The following CDH4 variants were observed in gnomAD, a reference collection of about 807,000 sequenced individuals.
CDH4 encodes the protein cadherin-4.
CDH4 carries 33 observed loss-of-function variants against 86.0 expected under a neutral mutation model. The ratio of observed to expected loss-of-function variants is 0.38; its 90% CI spans 0.29 to 0.51. The LOEUF is 0.51. Among genes scored for constraint, CDH4 ranks in the 20% least tolerant of loss-of-function variants. The pLI is 0.86. For synonymous variants in CDH4, 555 were observed against 549.4 expected (o/e 1.01, Z -0.14); for missense variants, 1,114 against 1,307.4 (o/e 0.85, Z 2.28).
chr20:61,903,757 C>T (rs937863373), intron 8 of CDH4, among the ~76,000 whole-genome samples: 1 of 152,114 alleles, frequency 6.6e-6, no homozygotes, highest in Non-Finnish European at 1.5e-5. Flanking sequence ...CCTTCCCCAC[C>T]GCTGGTGACC....
intron 2 of CDH4, among the ~76,000 whole-genome samples, chr20:61,666,836 T>A (rs770162422): frequency 6.6e-5 from 10 of 152,204 alleles, no homozygotes; most frequent in Admixed American, 1.3e-4. Flanking sequence ...GAAAGAGGCA[T>A]GAATCCGAAG....
chr20:61,535,711 G>A (rs1001729979), intron 2 of CDH4, among the ~76,000 whole-genome samples: 1 of 152,120 alleles, frequency 6.6e-6, no homozygotes, highest in African/African-American at 2.4e-5. Context: ...GCATACCCCT[G>A]AGCCTCCATG....
intron 2 of CDH4, among the ~76,000 whole-genome samples, chr20:61,665,181 G>A (rs1340253311): frequency 6.6e-6 from 1 of 152,216 alleles, no homozygotes; most frequent in Non-Finnish European, 1.5e-5. Context: ...TGAGCTGATA[G>A]TGGCGTCTTG....
At chr20:61,590,475 C>A (rs932357414) in intron 2 of CDH4, among the ~76,000 whole-genome samples, 17 of 152,212 alleles carry the variant, frequency 1.1e-4, no homozygotes, top group Non-Finnish European at 2.2e-4. Flanking sequence ...CAGCCCAGCA[C>A]CCATGGCTGA....
intron 2 of CDH4, among the ~76,000 whole-genome samples, chr20:61,731,355 C>A (rs1439212436): frequency 6.6e-6 from 1 of 152,186 alleles, no homozygotes; most frequent in Non-Finnish European, 1.5e-5. Flanking sequence ...GACCGCCACC[C>A]TCCTAGATGG....
intron 4 of CDH4, among the ~76,000 whole-genome samples, chr20:61,808,307 T>C (rs772491469): frequency 5.3e-5 from 8 of 152,020 alleles, no homozygotes; most frequent in Non-Finnish European, 1.0e-4. Context: ...TCTGTTTTCT[T>C]GGACTTGTTT....
intron 4 of CDH4, among the ~76,000 whole-genome samples, chr20:61,820,322 C>T (rs1980951060): frequency 6.6e-6 from 1 of 152,256 alleles, no homozygotes; most frequent in African/African-American, 2.4e-5. Context: ...GCCCTGTGTC[C>T]GTGGGGGACG....
intron 15 of CDH4, among the ~76,000 whole-genome samples, chr20:61,935,649 G>T (rs527472448): frequency 1.3e-5 from 2 of 152,162 alleles, no homozygotes; most frequent in South Asian, 4.2e-4. Context: ...ACTTTGGGAG[G>T]CCATGGCAGG....
At position 61,625,153 on chromosome 20, in the gene CDH4, G is replaced by A. The variant is rs184216071; in HGVS notation, c.170-118410G>A. Among the ~76,000 whole-genome samples the A allele has an allele frequency of 2.6e-4, 39 of 152,258 alleles. No individual in the cohort carries two copies. The South Asian group carries it at 6.6e-3, about 26-fold the overall frequency. ...GAATCCCCACAAAACTCACCAGGGC[G>A]GGACGAGAGGGAAGCACCTCTCCCG... On this transcript the variant is annotated intron_variant, in intron 2 of 15. Transcript: ENST00000614565.
chr20:61,787,022 T>C (rs114080298), intron 4 of CDH4, among the ~76,000 whole-genome samples: 3,808 of 152,346 alleles, frequency 0.025, 153 homozygotes, highest in African/African-American at 0.086. Context: ...GTGGCCTTCA[T>C]ACTTGAGAAG....
Position 61,500,327 on chromosome 20 carries a change from A to G in CDH4, c.170-243236A>G, listed in dbSNP as rs11905671. Reference sequence around the variant, plus strand: ...CACAATGATCACCAATTATAAAGCCATTGCTCACTCGCGTTCGGAATTGCA... The same window carrying G: ...CACAATGATCACCAATTATAAAGCCGTTGCTCACTCGCGTTCGGAATTGCA... On this transcript the variant is annotated intron_variant, in intron 2 of 15. Coordinates refer to ENST00000614565, the MANE Select transcript of CDH4 (RefSeq NM_001794.5). 1.8e-3 allele frequency among the ~76,000 whole-genome samples: 280 copies of G among 152,344 alleles called. 1 individual carries two copies. Among genetic ancestry groups the G allele is most frequent in the African/African-American group, 6.6e-3 (274 of 41,588 alleles).
intron 2 of CDH4, among the ~76,000 whole-genome samples, chr20:61,349,443 C>T (rs1170994925): frequency 6.6e-6 from 1 of 152,224 alleles, no homozygotes. Flanking sequence ...GGAGAAAATG[C>T]CCACTTGAGG....
At chr20:61,765,473 G>A (rs2088687518) in intron 3 of CDH4, among the ~76,000 whole-genome samples, 1 of 152,208 alleles carries the variant, frequency 6.6e-6, no homozygotes, top group African/African-American at 2.4e-5. Flanking sequence ...AAGCCACGAA[G>A]CCACAGTTGT....
chr20:61,777,970 A>G (rs1978341843), intron 4 of CDH4, among the ~76,000 whole-genome samples: 1 of 152,218 alleles, frequency 6.6e-6, no homozygotes, highest in Admixed American at 6.5e-5. Context: ...TGCATACTAT[A>G]CACACATCCA....
Position 61,932,935 on chromosome 20 carries a change from C to T in CDH4, c.2240-50C>T, listed in dbSNP as rs200489066. 25 of 1,594,870 alleles carry T rather than the reference C, an allele frequency of 1.6e-5. No homozygotes were observed. The African/African-American group carries it at 3.1e-4, about 20-fold the overall frequency. Reference sequence around the variant, plus strand: ...GACACATGGCAAACACAGAGGCACACATGCGCACACCCGCAGCACACCCTG... The same window carrying T: ...GACACATGGCAAACACAGAGGCACATATGCGCACACCCGCAGCACACCCTG... On this transcript the variant is annotated intron_variant, in intron 13 of 15. Coordinates refer to ENST00000614565, the MANE Select transcript of CDH4 (RefSeq NM_001794.5).
At position 61,709,519 on chromosome 20, in the gene CDH4, G is replaced by A. The variant is rs1382225105; in HGVS notation, c.170-34044G>A. ...TCGAACCCCTGGCCTCAAGTCATCCGACTGCCTTAGCCTCCCAAAATGCTG... is the reference window on the plus strand; with the variant it reads ...TCGAACCCCTGGCCTCAAGTCATCCAACTGCCTTAGCCTCCCAAAATGCTG... On this transcript the variant is annotated intron_variant, in intron 2 of 15. Coordinates refer to ENST00000614565, the MANE Select transcript of CDH4 (RefSeq NM_001794.5). The surrounding 1 kb of genome is among the most constrained non-coding windows in gnomAD (Gnocchi z 4.8). Among the ~76,000 whole-genome samples, 6 of 151,924 alleles carry A rather than the reference G, an allele frequency of 3.9e-5. No homozygotes were observed. In the South Asian group the frequency reaches 6.2e-4, roughly 16 times the overall value.
intron 2 of CDH4, among the ~76,000 whole-genome samples, chr20:61,506,331 G>A (rs1172658300): frequency 3.9e-5 from 6 of 152,128 alleles, no homozygotes; most frequent in Admixed American, 6.5e-5. Context: ...GAAACATTAC[G>A]AATGCAATAT....
intron 6 of CDH4, among the ~76,000 whole-genome samples, chr20:61,871,683 G>A (rs1032408953): frequency 1.1e-4 from 16 of 152,104 alleles, no homozygotes; most frequent in Admixed American, 5.2e-4. Context: ...TGGGGACATC[G>A]TGATGGGGGC....
intron 3 of CDH4, among the ~76,000 whole-genome samples, chr20:61,763,124 C>T (rs1053027375): frequency 6.6e-6 from 1 of 152,226 alleles, no homozygotes; most frequent in South Asian, 2.1e-4. Context: ...CATCTGTGAC[C>T]TATCGCCAAA....
Sources: allele counts gnomAD v4.1 joint callset (sites outside exome capture counted in the v4.1 genomes callset), GRCh38; gene constraint gnomAD v4.1.1; non-coding constraint Gnocchi (gnomAD v3.1); transcripts MANE v1.5; gene names NCBI Gene and HGNC (gene_info 2026-07-23, HGNC 2026-07-21).